Variants in STK4 observed in about 807,000 individuals in gnomAD.
STK4 encodes serine/threonine-protein kinase 4.
STK4 carries 30 observed loss-of-function variants against 64.9 expected under a neutral mutation model. That is an observed-to-expected ratio of 0.46 (90% confidence interval 0.35 to 0.63). The LOEUF (loss-of-function observed/expected upper bound fraction) is 0.63. Among genes scored for constraint, STK4 ranks in the 20% least tolerant of loss-of-function variants. STK4 has a pLI of 0.01. For missense variants in STK4, 466 were observed against 598.5 expected (o/e 0.78, Z 2.31); for synonymous variants, 177 against 199.0 (o/e 0.89, Z 0.93).
In STK4 at chr20:45,009,871, C is replaced by T. The variant is rs189471177; in HGVS notation, c.1147+8518C>T. ...TATAGAAATGCTACTGATTTTTGTA[C>T]ATTTTTTTATCCTGAAACTTTACTA... On this transcript the variant is annotated intron_variant, in intron 9 of 10. Transcript: ENST00000372806. Among the ~76,000 whole-genome samples, 127 of 152,214 alleles carry T rather than the reference C, an allele frequency of 8.3e-4. 1 individual carries two copies. The highest frequency in any genetic ancestry group is 4.1e-3 in the South Asian group (20 of 4,826).
chr20:44,979,760 T>A (rs1451273929), intron 3 of STK4, among the ~76,000 whole-genome samples: 1 of 151,964 alleles, frequency 6.6e-6, no homozygotes, highest in Non-Finnish European at 1.5e-5. Flanking sequence ...CTTTCTTTTT[T>A]CTCTCCCTTC....
intron 10 of STK4, among the ~76,000 whole-genome samples, chr20:45,049,094 CAGAG>C (rs1324455379): frequency 1.3e-5 from 2 of 151,878 alleles, no homozygotes; most frequent in Non-Finnish European, 2.9e-5. Flanking sequence ...CAGAGAGAGA[CAGAG>C]AGAGCTGTAT....
chr20:44,966,579 T>A lies in STK4; in HGVS notation c.11T>A (p.Val4Glu). ...GCTGCTGGCAGCGCCATGGAGACGG[T>A]ACAGCTGAGGAACCCGCCGCGCCGG... Reference protein sequence around the residue: METVQLRNPPRRQL... With the variant: METEQLRNPPRRQL... Residue 4 changes from valine (V) to glutamate (E), a missense_variant, in exon 1 of 11, where the codon GTA becomes GAA. Val to Glu is a moderately radical substitution (Grantham distance 121). Transcript: ENST00000372806. The A allele has an allele frequency of 7.9e-7, 1 of 1,272,916 alleles. No individual in the cohort carries two copies. The highest frequency in any genetic ancestry group is 1.0e-6 in the Non-Finnish European group (1 of 1,001,394). 78.9% of individuals were successfully genotyped at this position (1,272,916 alleles called of 1,614,324 possible).
chr20:44,973,533 T>G (rs2067288026), intron 2 of STK4: 1 of 152,258 alleles, frequency 6.6e-6, no homozygotes, highest in Admixed American at 6.5e-5. Context: ...GCTGTGACCT[T>G]TAATCTAACA....
At chr20:45,025,157 A>T (rs1354403478) in intron 10 of STK4, 27 bp downstream of exon 10, 2 of 1,590,306 alleles carry the variant, frequency 1.3e-6, no homozygotes, top group Non-Finnish European at 1.7e-6. Context: ...GTAAATGGTT[A>T]TGTCTTCAGG....
chr20:45,061,821 A>G (rs1979038087), intron 10 of STK4, among the ~76,000 whole-genome samples: 1 of 148,938 alleles, frequency 6.7e-6, no homozygotes, highest in Non-Finnish European at 1.5e-5. Flanking sequence ...TGTTGTTTAG[A>G]TAAGTGAGAA....
intron 9 of STK4, among the ~76,000 whole-genome samples, chr20:45,023,793 C>A (rs2068291847): frequency 6.6e-6 from 1 of 151,968 alleles, no homozygotes; most frequent in African/African-American, 2.4e-5. Flanking sequence ...CCATCTAAGT[C>A]CCCTTTTACC....
chr20:45,060,469 A>G (rs1217344186), intron 10 of STK4, among the ~76,000 whole-genome samples: 2 of 152,042 alleles, frequency 1.3e-5, no homozygotes, highest in Non-Finnish European at 2.9e-5. Context: ...TTTTTTTCCC[A>G]TAGACTCTGA....
rs564334937 is a variant in STK4 at position 44,967,342 on chromosome 20, C to T, written c.35+739C>T. 50 of 605,886 alleles carry T rather than the reference C, an allele frequency of 8.3e-5. No homozygotes were observed. The South Asian group carries it at 2.9e-3, about 35-fold the overall frequency. The allele number at this position is 605,886 out of a possible 1,614,324, so 37.5% of individuals were successfully genotyped here. A position where few individuals can be genotyped will look rare whatever the true frequency, so the allele number is the denominator to read the frequency against. On this transcript the variant is annotated intron_variant, in intron 1 of 10. Coordinates refer to ENST00000372806, the MANE Select transcript of STK4 (RefSeq NM_006282.5). ...GTCCAGAGTAGTTGGGAAGTGTTTCCTTCTTTACTCCGGGTCACTGAACCC... is the reference window on the plus strand; with the variant it reads ...GTCCAGAGTAGTTGGGAAGTGTTTCTTTCTTTACTCCGGGTCACTGAACCC...
At chr20:44,994,987 C>A in intron 5 of STK4, 103 bp from the exon 6 acceptor site, 1 of 1,019,444 alleles carries the variant, frequency 9.8e-7, no homozygotes, top group Non-Finnish European at 1.3e-6. Flanking sequence ...CTCTTTTTCT[C>A]AGTAGTTTTT....
At chr20:45,044,739 A>G (rs2068666959) in intron 10 of STK4, among the ~76,000 whole-genome samples, 1 of 152,228 alleles carries the variant, frequency 6.6e-6, no homozygotes, top group Non-Finnish European at 1.5e-5. Context: ...AAAACTTGTA[A>G]CACAGACCAG....
At chr20:45,026,588 A>G (rs548108526) in intron 10 of STK4, among the ~76,000 whole-genome samples, 1 of 152,312 alleles carries the variant, frequency 6.6e-6, no homozygotes, top group African/African-American at 2.4e-5. Context: ...GGAGAGCGAG[A>G]TAATGCAGGG....
intron 10 of STK4, among the ~76,000 whole-genome samples, chr20:45,033,091 A>G (rs894841545): frequency 1.3e-5 from 2 of 152,028 alleles, no homozygotes; most frequent in African/African-American, 4.8e-5. Flanking sequence ...GTGTCTGTTC[A>G]TGTCCTTTCC....
chr20:45,001,123 C>G (rs556813902), intron 8 of STK4, 44 bp from the exon 9 acceptor site: 2 of 1,569,358 alleles, frequency 1.3e-6, no homozygotes, highest in African/African-American at 2.7e-5. Flanking sequence ...AACTCAAAGT[C>G]TTTTGTCAAA....
At chr20:45,032,560 A>G (rs1292989369) in intron 10 of STK4, among the ~76,000 whole-genome samples, 3 of 152,122 alleles carry the variant, frequency 2.0e-5, no homozygotes, top group African/African-American at 7.2e-5. Flanking sequence ...TGCTTGGGAT[A>G]ATGGCCTCCA....
chr20:45,024,060 C>T (rs1158889168), intron 9 of STK4, among the ~76,000 whole-genome samples: 1 of 151,776 alleles, frequency 6.6e-6, no homozygotes, highest in Non-Finnish European at 1.5e-5. Flanking sequence ...GCCACCACGC[C>T]CGGCTAATTT....
chr20:44,984,797 T>C (rs2067503787), intron 4 of STK4, among the ~76,000 whole-genome samples: 1 of 151,774 alleles, frequency 6.6e-6, no homozygotes, highest in Non-Finnish European at 1.5e-5. Flanking sequence ...TTTTTTTTTT[T>C]CAAAGATAGA....
intron 10 of STK4, among the ~76,000 whole-genome samples, chr20:45,026,384 T>C (rs187232138): frequency 6.6e-6 from 1 of 150,846 alleles, no homozygotes; most frequent in East Asian, 1.9e-4. Context: ...GTCAAGGAAG[T>C]TCTCACTGGT....
chr20:45,057,400 A>G (rs1978581539), intron 10 of STK4, among the ~76,000 whole-genome samples: 1 of 152,246 alleles, frequency 6.6e-6, no homozygotes, highest in African/African-American at 2.4e-5. Context: ...AAGAGCAGTA[A>G]TAACTATATG....
Sources: gnomAD v4.1 joint callset for allele counts (sites outside exome capture counted in the v4.1 genomes callset) on GRCh38, gnomAD v4.1.1 for gene constraint, MANE v1.5 for transcripts, NCBI Gene and HGNC (gene_info 2026-07-23, HGNC 2026-07-21) for gene names.